Variants in MIPOL1 observed in about 807,000 individuals in gnomAD.
MIPOL1 encodes the protein mirror-image polydactyly gene 1 protein.
MIPOL1 carries 57 observed loss-of-function variants against 60.9 expected under a neutral mutation model. The ratio of observed to expected loss-of-function variants is 0.94; its 90% confidence interval spans 0.76 to 1.17. The LOEUF (loss-of-function observed/expected upper bound fraction) is 1.17. Among genes scored for constraint, MIPOL1 ranks in the 50% most tolerant of loss-of-function variants. The pLI is 0.00. For synonymous variants in MIPOL1, 179 were observed against 168.8 expected, an observed-to-expected ratio of 1.06 and a Z score of -0.47; for missense variants, 551 against 511.6, an observed-to-expected ratio of 1.08 and a Z score of -0.74.
intron 10 of MIPOL1, among the ~76,000 whole-genome samples, chr14:37,422,637 A>G (rs1438105585): frequency 6.6e-6 from 1 of 151,960 alleles, no homozygotes; most frequent in Non-Finnish European, 1.5e-5. Flanking sequence ...AAGTTTAGTA[A>G]TGAGCAAGAT....
rs151288090 is a variant in MIPOL1 at position 37,217,790 on chromosome 14, A to G, written c.-199+19686A>G. ...TGACCCACAGTTAATATCATACTGA[A>G]TGGGGAAAAACTGAAATTCTTTCCT... On this transcript the variant is annotated intron_variant, in intron 1 of 12. Transcript: ENST00000684589. 6.4e-3 allele frequency among the ~76,000 whole-genome samples: 973 copies of G among 152,320 alleles called. 13 individuals are homozygous for G. The highest frequency in any genetic ancestry group is 0.022 in the African/African-American group (924 of 41,570).
intron 12 of MIPOL1, among the ~76,000 whole-genome samples, chr14:37,500,859 T>C (rs1479594291): frequency 6.6e-6 from 1 of 152,166 alleles, no homozygotes; most frequent in Non-Finnish European, 1.5e-5. Context: ...ATAGAATATA[T>C]TTTAACCTTC....
chr14:37,408,203 G>A (rs2153536724), intron 10 of MIPOL1, among the ~76,000 whole-genome samples: 1 of 151,948 alleles, frequency 6.6e-6, no homozygotes. Context: ...AATGTTAAGA[G>A]AAAACAATAT....
At chr14:37,268,455 C>T (rs2083043795) in intron 4 of MIPOL1, among the ~76,000 whole-genome samples, 1 of 152,112 alleles carries the variant, frequency 6.6e-6, no homozygotes, top group Admixed American at 6.5e-5. Flanking sequence ...TCCCAGCCGT[C>T]ACTAAATTTC....
intron 9 of MIPOL1, among the ~76,000 whole-genome samples, chr14:37,368,968 TA>T (rs1164379473): frequency 7.2e-5 from 11 of 152,062 alleles, no homozygotes; most frequent in African/African-American, 2.7e-4. Context: ...TGGGAGAAAT[TA>T]AAAACACTCA....
chr14:37,422,722 A>C (rs2093895167), intron 10 of MIPOL1, 133 bp from the exon 11 acceptor site: 1 of 599,178 alleles, frequency 1.7e-6, no homozygotes, highest in Non-Finnish European at 3.0e-6. Context: ...GTAACTTATG[A>C]GACACTGCTA....
chr14:37,206,359 C>T (rs1054039274), intron 1 of MIPOL1, among the ~76,000 whole-genome samples: 3 of 152,030 alleles, frequency 2.0e-5, no homozygotes, highest in East Asian at 1.9e-4. Context: ...GTGAGTGCAC[C>T]GAAGTCAAGA....
chr14:37,239,381 G>A (rs1197269059), intron 1 of MIPOL1, among the ~76,000 whole-genome samples: 3 of 152,062 alleles, frequency 2.0e-5, no homozygotes, highest in African/African-American at 7.2e-5. Flanking sequence ...GAAACACTGT[G>A]CAACTGTATT....
intron 11 of MIPOL1, among the ~76,000 whole-genome samples, chr14:37,474,858 T>C (rs2094745275): frequency 6.6e-6 from 1 of 152,218 alleles, no homozygotes; most frequent in Admixed American, 6.5e-5. Context: ...GTTGTTTCAA[T>C]TTACAATTCT....
At chr14:37,391,944 A>G (rs934519330) in intron 10 of MIPOL1, among the ~76,000 whole-genome samples, 2 of 152,194 alleles carry the variant, frequency 1.3e-5, no homozygotes, top group Admixed American at 6.6e-5. Flanking sequence ...GGAAAGTGAT[A>G]TAATAGGATA....
rs568987669 is a variant in MIPOL1, at chr14:37,197,995, G to C, written c.-308G>C. ...TCGTCTGTGGGTGAGTCTCGAGCCA[G>C]GAGGCTCTGAGCCAGTGGCGATTGG... On this transcript the variant is annotated 5_prime_UTR_variant, in exon 1 of 13. Transcript: ENST00000684589. 2.6e-5 allele frequency: 4 copies of C among 152,392 alleles called. No homozygotes were observed. Among genetic ancestry groups the C allele is most frequent in the Admixed American group, 6.5e-5 (1 of 15,306 alleles). 9.4% of individuals were successfully genotyped at this position (152,392 alleles called of 1,614,324 possible). A position where few individuals can be genotyped will look rare whatever the true frequency, so the allele number is the denominator to read the frequency against.
intron 12 of MIPOL1, among the ~76,000 whole-genome samples, chr14:37,517,086 C>T (rs1007102616): frequency 6.6e-6 from 1 of 152,038 alleles, no homozygotes; most frequent in Non-Finnish European, 1.5e-5. Context: ...ACTAACAGGA[C>T]CCTCAACTGT....
chr14:37,393,068 A>C (rs1031130052), intron 10 of MIPOL1, among the ~76,000 whole-genome samples: 3 of 152,148 alleles, frequency 2.0e-5, no homozygotes, highest in Non-Finnish European at 4.4e-5. Flanking sequence ...CAAAAGACAC[A>C]GGAAAAAAAG....
At chr14:37,422,337 T>C (rs1413092484) in intron 10 of MIPOL1, among the ~76,000 whole-genome samples, 3 of 152,020 alleles carry the variant, frequency 2.0e-5, no homozygotes, top group African/African-American at 7.2e-5. Flanking sequence ...AAAGGTTAAA[T>C]CATAACTGTA....
At chr14:37,394,542 T>C (rs777364666) in intron 10 of MIPOL1, among the ~76,000 whole-genome samples, 17 of 152,202 alleles carry the variant, frequency 1.1e-4, no homozygotes, top group Non-Finnish European at 2.4e-4. Context: ...TTCATGTTTG[T>C]TGGCCATTTG....
At chr14:37,303,637 T>C (rs2086520144) in intron 7 of MIPOL1, among the ~76,000 whole-genome samples, 1 of 151,800 alleles carries the variant, frequency 6.6e-6, no homozygotes, top group Admixed American at 6.6e-5. Context: ...AGAGTATTAG[T>C]ATTAAGGGAA....
chr14:37,224,427 C>A (rs781044155), intron 1 of MIPOL1, among the ~76,000 whole-genome samples: 1 of 152,184 alleles, frequency 6.6e-6, no homozygotes, highest in Non-Finnish European at 1.5e-5. Flanking sequence ...ACTCACAGTT[C>A]CATGAGGATG....
intron 10 of MIPOL1, among the ~76,000 whole-genome samples, chr14:37,415,939 G>A (rs915931277): frequency 6.6e-6 from 1 of 152,030 alleles, no homozygotes; most frequent in Non-Finnish European, 1.5e-5. Context: ...CATATTGTTA[G>A]GACTTGAAAG....
intron 10 of MIPOL1, chr14:37,396,871 C>T (rs2093381482): frequency 6.6e-6 from 1 of 151,960 alleles, no homozygotes; most frequent in African/African-American, 2.4e-5. Flanking sequence ...AATATTTCTC[C>T]CTTCACTTCT....
Sources: gnomAD v4.1 joint callset for allele counts (sites outside exome capture counted in the v4.1 genomes callset) on GRCh38, gnomAD v4.1.1 for gene constraint, MANE v1.5 for transcripts, NCBI Gene and HGNC (gene_info 2026-07-23, HGNC 2026-07-21) for gene names.